Variants in PRKG1 observed in about 807,000 individuals in gnomAD.
PRKG1 encodes the protein cGMP-dependent protein kinase 1.
PRKG1 carries 35 observed loss-of-function variants against 88.1 expected under a neutral mutation model. The observed-to-expected ratio is 0.40, with a 90% confidence interval of 0.30 to 0.53. The LOEUF (loss-of-function observed/expected upper bound fraction) is 0.53, where lower values mean the gene tolerates loss of function less well. Among genes scored for constraint, PRKG1 ranks in the 20% least tolerant of loss-of-function variants. The probability of loss-of-function intolerance (pLI) is 0.59; values close to 1 mark genes in which losing one functional copy is unlikely to be tolerated. For synonymous variants in PRKG1, 303 were observed against 292.5 expected, an observed-to-expected ratio of 1.04 and a Z score of -0.37; for missense variants, 540 against 839.8, an observed-to-expected ratio of 0.64 and a Z score of 4.41.
At chr10:51,546,932 A>T (rs894363622) in intron 3 of PRKG1, among the ~76,000 whole-genome samples, 4 of 152,100 alleles carry the variant, frequency 2.6e-5, no homozygotes, top group Non-Finnish European at 5.9e-5. Flanking sequence ...CTTTTCCATG[A>T]AAGTTGAATT....
intron 4 of PRKG1, among the ~76,000 whole-genome samples, chr10:51,881,740 A>G (rs1423067652): frequency 1.3e-5 from 2 of 152,352 alleles, no homozygotes; most frequent in African/African-American, 4.8e-5. Context: ...TACCATATAG[A>G]TAATTTTAAA....
intron 3 of PRKG1, among the ~76,000 whole-genome samples, chr10:51,527,408 C>CA (rs1841909395): frequency 6.6e-6 from 1 of 151,498 alleles, no homozygotes; most frequent in African/African-American, 2.4e-5. Flanking sequence ...TTAGGTGCTA[C>CA]AAGAGTACTA....
intron 1 of PRKG1, among the ~76,000 whole-genome samples, chr10:51,097,901 T>G (rs1476339367): frequency 6.6e-6 from 1 of 152,080 alleles, no homozygotes; most frequent in Non-Finnish European, 1.5e-5. Flanking sequence ...TGAGAAATGA[T>G]AGGTCTTGGG....
chr10:52,249,093 C>G (rs2132396359), intron 9 of PRKG1, among the ~76,000 whole-genome samples: 1 of 136,734 alleles, frequency 7.3e-6, no homozygotes, highest in Middle Eastern at 3.7e-3. Context: ...CTTCCCTTCC[C>G]TTCCTTCCTC....
intron 7 of PRKG1, among the ~76,000 whole-genome samples, chr10:52,106,409 T>C (rs1359985086): frequency 6.6e-6 from 1 of 152,190 alleles, no homozygotes; most frequent in Non-Finnish European, 1.5e-5. Context: ...TTTTACGTAC[T>C]ACCTCTGGCA....
chr10:52,277,161 T>A (rs958757761), intron 12 of PRKG1, among the ~76,000 whole-genome samples: 1 of 152,094 alleles, frequency 6.6e-6, no homozygotes, highest in Non-Finnish European at 1.5e-5. Flanking sequence ...TCTGTTTGCT[T>A]CGTGGTGAAA....
chr10:51,579,675 G>C lies in PRKG1; in HGVS notation c.592+111839G>C, dbSNP rs115101588. Among the ~76,000 whole-genome samples the C allele has an allele frequency of 4.6e-3, 698 of 152,196 alleles. 6 individuals carry two copies. The highest frequency in any genetic ancestry group is 0.016 in the African/African-American group (656 of 41,534). On this transcript the variant is annotated intron_variant, in intron 3 of 17. Coordinates refer to ENST00000373980, the MANE Select transcript of PRKG1 (RefSeq NM_006258.4). ...TCCTTTTCTGATCTATTAACTATAT[G>C]AGGAGACTGGCTATTGTTAACTACT...
chr10:51,555,146 G>A (rs1443226796), intron 3 of PRKG1, among the ~76,000 whole-genome samples: 1 of 151,896 alleles, frequency 6.6e-6, no homozygotes, highest in Non-Finnish European at 1.5e-5. Context: ...GGGTTGTCAC[G>A]TTTTTCTTTC....
intron 4 of PRKG1, among the ~76,000 whole-genome samples, chr10:51,857,940 G>T (rs1474380228): frequency 6.7e-6 from 1 of 149,856 alleles, no homozygotes; most frequent in African/African-American, 2.5e-5. Context: ...AAAATAAAAT[G>T]TATGGATGCT....
intron 4 of PRKG1, among the ~76,000 whole-genome samples, chr10:51,843,198 G>A (rs1840323199): frequency 6.7e-6 from 1 of 149,406 alleles, no homozygotes; most frequent in South Asian, 2.1e-4. Context: ...CTGGGTTCAA[G>A]TGAGAAAATT....
intron 4 of PRKG1, among the ~76,000 whole-genome samples, chr10:51,849,629 A>G (rs912757032): frequency 4.6e-5 from 7 of 152,094 alleles, no homozygotes; most frequent in African/African-American, 1.7e-4. Context: ...CTCTACCTCA[A>G]TGCAACCATC....
chr10:52,040,832 C>CTTTTTTTTTTT (rs11312625), intron 5 of PRKG1, among the ~76,000 whole-genome samples: 1 of 85,260 alleles, frequency 1.2e-5, no homozygotes, highest in Non-Finnish European at 2.1e-5. Context: ...AATGGCTTTT[C>CTTTTTTTTTTT]TTTTTTTTTT....
chr10:51,944,029 G>A (rs1842969228), intron 5 of PRKG1, among the ~76,000 whole-genome samples: 2 of 152,012 alleles, frequency 1.3e-5, no homozygotes, highest in Admixed American at 6.5e-5. Context: ...AGAAGGAATG[G>A]TACCAGTTCC....
intron 2 of PRKG1, among the ~76,000 whole-genome samples, chr10:51,365,892 T>C (rs569721070): frequency 6.6e-6 from 1 of 151,848 alleles, no homozygotes; most frequent in East Asian, 1.9e-4. Context: ...ACTAAATCTT[T>C]TTTTTCCTCT....
At chr10:51,040,136 G>A (rs1277224868) in intron 1 of PRKG1, among the ~76,000 whole-genome samples, 2 of 151,644 alleles carry the variant, frequency 1.3e-5, no homozygotes, top group African/African-American at 2.4e-5. Flanking sequence ...TTTTGATAGG[G>A]ATTGCATTGA....
At chr10:52,150,497 A>C (rs1262013903) in intron 8 of PRKG1, among the ~76,000 whole-genome samples, 1 of 152,098 alleles carries the variant, frequency 6.6e-6, no homozygotes, top group Non-Finnish European at 1.5e-5. Flanking sequence ...TAGTATTTTC[A>C]TGTTTTATTT....
At chr10:51,380,873 C>T (rs1027782522) in intron 2 of PRKG1, among the ~76,000 whole-genome samples, 2 of 152,050 alleles carry the variant, frequency 1.3e-5, no homozygotes, top group Non-Finnish European at 2.9e-5. Context: ...CCATAGTACT[C>T]GACCAATGAG....
At chr10:51,850,118 C>A (rs939673564) in intron 4 of PRKG1, among the ~76,000 whole-genome samples, 2 of 152,118 alleles carry the variant, frequency 1.3e-5, no homozygotes, top group Non-Finnish European at 2.9e-5. Context: ...AATCTTGAAG[C>A]CAAGAAGATC....
Position 51,625,428 on chromosome 10 carries a change from G to A in PRKG1, c.592+157592G>A, listed in dbSNP as rs141496588. On this transcript the variant is annotated intron_variant, in intron 3 of 17. Coordinates refer to ENST00000373980, the MANE Select transcript of PRKG1 (RefSeq NM_006258.4). ...TGAGACAGAGGTTGCAGTGAGCTGA[G>A]ACTGTGCCTTTGCACTCCAGCCTGG... Among the ~76,000 whole-genome samples the A allele has an allele frequency of 2.1e-3, 313 of 152,292 alleles. 2 individuals carry two copies. The highest frequency in any genetic ancestry group is 6.7e-3 in the African/African-American group (278 of 41,562).
Sources: gnomAD v4.1 joint callset for allele counts (sites outside exome capture counted in the v4.1 genomes callset) on GRCh38, gnomAD v4.1.1 for gene constraint, MANE v1.5 for transcripts, NCBI Gene and HGNC (gene_info 2026-07-23, HGNC 2026-07-21) for gene names.